The following ARHGAP42 variants were observed in gnomAD, a reference collection of about 807,000 sequenced individuals.
ARHGAP42 encodes rho GTPase-activating protein 42.
A neutral mutation model predicts 125.0 loss-of-function variants in ARHGAP42; 63 were observed. The ratio of observed to expected loss-of-function variants is 0.50; its 90% CI spans 0.41 to 0.62. The LOEUF is 0.62. Among genes scored for constraint, ARHGAP42 ranks in the 20% least tolerant of loss-of-function variants. ARHGAP42 has a pLI of 0.00. For missense variants in ARHGAP42, 766 were observed against 1,024.2 expected (o/e 0.75, Z 3.44); for synonymous variants, 339 against 351.0 (o/e 0.97, Z 0.38).
intron 4 of ARHGAP42, among the ~76,000 whole-genome samples, chr11:100,862,666 T>G (rs1283303901): frequency 1.3e-5 from 2 of 152,200 alleles, no homozygotes; most frequent in Non-Finnish European, 2.9e-5. Flanking sequence ...ATCTGTCTGA[T>G]GCATTTAGTA....
At chr11:100,901,242 G>A (rs923973946) in intron 4 of ARHGAP42, among the ~76,000 whole-genome samples, 3 of 152,108 alleles carry the variant, frequency 2.0e-5, no homozygotes, top group Non-Finnish European at 2.9e-5. Flanking sequence ...AGCAAATATC[G>A]CACAACAGCA....
chr11:100,807,923 A>G (rs1013397794), intron 3 of ARHGAP42, among the ~76,000 whole-genome samples: 1 of 152,192 alleles, frequency 6.6e-6, no homozygotes, highest in Admixed American at 6.5e-5. Flanking sequence ...TATTCCATTC[A>G]TAAACCATGT....
chr11:100,727,593 A>G (rs1861883421), intron 1 of ARHGAP42, among the ~76,000 whole-genome samples: 1 of 152,100 alleles, frequency 6.6e-6, no homozygotes, highest in South Asian at 2.1e-4. Context: ...CTACGTGATG[A>G]AGCCTCTATA....
In ARHGAP42 at chr11:100,914,994, A is replaced by G. The variant is rs953557772; in HGVS notation, c.486+1441A>G. On this transcript the variant is annotated intron_variant, in intron 5 of 23. Transcript: ENST00000298815. ...ATTTCTTTATTTAAAGATGTTTAAC[A>G]TTGGGAAGTTTTGTTGTGCTTAATA... 1.1e-4 allele frequency among the ~76,000 whole-genome samples: 17 copies of G among 152,088 alleles called. 1 individual carries two copies. Among genetic ancestry groups the G allele is most frequent in the Non-Finnish European group, 1.8e-4 (12 of 68,028 alleles).
intron 6 of ARHGAP42, among the ~76,000 whole-genome samples, chr11:100,922,966 G>C (rs1867321040): frequency 6.6e-6 from 1 of 152,202 alleles, no homozygotes; most frequent in African/African-American, 2.4e-5. Flanking sequence ...TGAAGTTCAA[G>C]TTCTGTTTAC....
intron 1 of ARHGAP42, among the ~76,000 whole-genome samples, chr11:100,698,675 T>G (rs532983269): frequency 9.3e-4 from 142 of 152,016 alleles, no homozygotes; most frequent in South Asian, 1.7e-3. Context: ...AGAGTGGAAC[T>G]CCGTTTAAAA....
intron 1 of ARHGAP42, among the ~76,000 whole-genome samples, chr11:100,699,143 C>T (rs1488534090): frequency 1.3e-5 from 2 of 151,952 alleles, no homozygotes; most frequent in Non-Finnish European, 2.9e-5. Context: ...ACTTTGGGCC[C>T]GATTTTTACC....
At chr11:100,881,494 T>A (rs1186253119) in intron 4 of ARHGAP42, among the ~76,000 whole-genome samples, 5 of 152,234 alleles carry the variant, frequency 3.3e-5, no homozygotes, top group Admixed American at 1.3e-4. Flanking sequence ...TACAGTATAG[T>A]TTGAAATCAG....
At chr11:100,897,988 A>G (rs1269034271) in intron 4 of ARHGAP42, among the ~76,000 whole-genome samples, 1 of 152,184 alleles carries the variant, frequency 6.6e-6, no homozygotes, top group Non-Finnish European at 1.5e-5. Context: ...TGTCATAAAT[A>G]GCACTTATTA....
At chr11:100,737,822 A>C (rs1318193638) in intron 1 of ARHGAP42, among the ~76,000 whole-genome samples, 1 of 152,226 alleles carries the variant, frequency 6.6e-6, no homozygotes, top group Non-Finnish European at 1.5e-5. Context: ...AGCTGCTGGG[A>C]GAGGACTTAA....
At chr11:100,932,905 A>T (rs984658664) in intron 6 of ARHGAP42, among the ~76,000 whole-genome samples, 1 of 152,208 alleles carries the variant, frequency 6.6e-6, no homozygotes, top group Admixed American at 6.5e-5. Flanking sequence ...GCATTTGAAT[A>T]GCAGAATAGT....
intron 3 of ARHGAP42, among the ~76,000 whole-genome samples, chr11:100,852,812 G>A (rs1311775260): frequency 6.6e-6 from 1 of 152,154 alleles, no homozygotes; most frequent in Non-Finnish European, 1.5e-5. Context: ...CATCACTGGA[G>A]TGGTCTAATT....
chr11:100,872,276 A>G (rs936058200), intron 4 of ARHGAP42, among the ~76,000 whole-genome samples: 1 of 152,198 alleles, frequency 6.6e-6, no homozygotes, highest in Non-Finnish European at 1.5e-5. Flanking sequence ...ATGAAAATAA[A>G]ATCTCAGCAG....
intron 5 of ARHGAP42, among the ~76,000 whole-genome samples, chr11:100,918,616 A>C (rs1230915035): frequency 6.6e-6 from 1 of 152,218 alleles, no homozygotes; most frequent in Non-Finnish European, 1.5e-5. Flanking sequence ...TTTGCTAGTG[A>C]GTCATATGGT....
chr11:100,993,216 C>T lies in ARHGAP42; in HGVS notation c.*4415C>T, dbSNP rs1258875009. ...TTTTTGCATCCAGAGTTGACAACAA[C>T]TCAATTTTGCCTTGAATTTACTCAG... On this transcript the variant is annotated 3_prime_UTR_variant, in exon 24 of 24. Transcript: ENST00000298815. 6.0e-6 allele frequency: 1 copy of T among 167,238 alleles called. No homozygotes were observed. The highest frequency in any genetic ancestry group is 1.5e-5 in the Non-Finnish European group (1 of 68,398). 10.4% of individuals were successfully genotyped at this position (167,238 alleles called of 1,614,324 possible).
At chr11:100,812,628 G>A (rs1411928520) in intron 3 of ARHGAP42, among the ~76,000 whole-genome samples, 3 of 152,178 alleles carry the variant, frequency 2.0e-5, no homozygotes, top group Non-Finnish European at 4.4e-5. Flanking sequence ...AAAGAAGTCA[G>A]TCTTACAACT....
At chr11:100,827,417 T>C (rs1035895521) in intron 3 of ARHGAP42, among the ~76,000 whole-genome samples, 10 of 152,126 alleles carry the variant, frequency 6.6e-5, no homozygotes, top group South Asian at 2.1e-4. Context: ...ACTCATACTT[T>C]GTGAAGCTGA....
chr11:100,935,156 G>A (rs1404769384), intron 7 of ARHGAP42, among the ~76,000 whole-genome samples: 1 of 151,386 alleles, frequency 6.6e-6, no homozygotes, highest in Non-Finnish European at 1.5e-5. Context: ...TTAAAATGGG[G>A]AATAAACTCC....
chr11:100,859,463 C>T (rs1481601757), intron 3 of ARHGAP42, 91 bp from the exon 4 acceptor site: 1 of 1,046,308 alleles, frequency 9.6e-7, no homozygotes, highest in Admixed American at 3.1e-5. Flanking sequence ...CAAAAACAGT[C>T]TATTTGATAC....
Sources: gnomAD v4.1 joint callset for allele counts (sites outside exome capture counted in the v4.1 genomes callset) on GRCh38, gnomAD v4.1.1 for gene constraint, MANE v1.5 for transcripts, NCBI Gene and HGNC (gene_info 2026-07-23, HGNC 2026-07-21) for gene names.